Variants in GABRB1 observed in about 807,000 individuals in gnomAD.
GABRB1 encodes gamma-aminobutyric acid receptor subunit beta-1.
GABRB1 carries 17 observed loss-of-function variants against 51.6 expected under a neutral mutation model. The observed-to-expected ratio is 0.33, with a 90% CI of 0.23 to 0.49. GABRB1 has a LOEUF of 0.49. Ranked by LOEUF, GABRB1 falls within the 20% of genes least tolerant of loss-of-function variation. GABRB1 has a pLI of 0.99. For synonymous variants in GABRB1, 247 were observed against 218.9 expected (o/e 1.13, Z -1.14); for missense variants, 410 against 600.6 (o/e 0.68, Z 3.32).
At chr4:47,281,550 A>AT (rs762536751) in intron 4 of GABRB1, among the ~76,000 whole-genome samples, 142 of 152,300 alleles carry the variant, frequency 9.3e-4, no homozygotes, top group Non-Finnish European at 1.7e-3. Flanking sequence ...CTGGATATAT[A>AT]TCCAAAGGAC....
intron 4 of GABRB1, among the ~76,000 whole-genome samples, chr4:47,167,418 T>A (rs914397045): frequency 6.6e-6 from 1 of 151,750 alleles, no homozygotes; most frequent in African/African-American, 2.4e-5. Context: ...AAAAAAAAAA[T>A]GCCTTTTTAA....
At chr4:47,321,019 G>A (rs1205913623) in intron 5 of GABRB1, among the ~76,000 whole-genome samples, 6 of 152,114 alleles carry the variant, frequency 3.9e-5, no homozygotes, top group East Asian at 1.9e-4. Context: ...TTTTAGTCAT[G>A]AAGATTTAGT....
intron 4 of GABRB1, among the ~76,000 whole-genome samples, chr4:47,267,022 A>G (rs1451266507): frequency 6.6e-6 from 1 of 152,174 alleles, no homozygotes; most frequent in Admixed American, 6.5e-5. Flanking sequence ...TGATCAATTC[A>G]ACAAGAAGAT....
chr4:47,017,675 A>C (rs1225954599), intron 1 of GABRB1, among the ~76,000 whole-genome samples: 4 of 152,030 alleles, frequency 2.6e-5, no homozygotes, highest in African/African-American at 9.7e-5. Context: ...TAGTTTTACC[A>C]CTGAATCTCT....
upstream of GABRB1, among the ~76,000 whole-genome samples, chr4:47,029,850 G>A (rs1014053594): frequency 3.3e-5 from 5 of 151,736 alleles, no homozygotes; most frequent in Admixed American, 1.3e-4. Context: ...CTATTTGCTC[G>A]TACTATTTTG....
chr4:47,066,187 G>T (rs1727072591), intron 3 of GABRB1, among the ~76,000 whole-genome samples: 1 of 152,164 alleles, frequency 6.6e-6, no homozygotes, highest in Non-Finnish European at 1.5e-5. Flanking sequence ...CTATATTACA[G>T]TCTATTAAGT....
chr4:47,055,915 A>T (rs563591772), intron 3 of GABRB1, among the ~76,000 whole-genome samples: 8 of 152,326 alleles, frequency 5.3e-5, no homozygotes, highest in Non-Finnish European at 8.8e-5. Flanking sequence ...TTCTTAGGGA[A>T]TGTTGGCTCT....
chr4:47,308,398 T>A (rs1724544852), intron 4 of GABRB1, among the ~76,000 whole-genome samples: 1 of 152,114 alleles, frequency 6.6e-6, no homozygotes, highest in Non-Finnish European at 1.5e-5. Flanking sequence ...AAAGTAAATG[T>A]CTTGGGCCTG....
intron 3 of GABRB1, among the ~76,000 whole-genome samples, chr4:47,152,090 T>C (rs1717485551): frequency 6.6e-6 from 1 of 152,048 alleles, no homozygotes; most frequent in African/African-American, 2.4e-5. Context: ...ATTCTCTATG[T>C]TTTCAGGAAT....
intron 5 of GABRB1, among the ~76,000 whole-genome samples, chr4:47,377,839 T>C (rs910819355): frequency 6.6e-6 from 1 of 152,164 alleles, no homozygotes; most frequent in Non-Finnish European, 1.5e-5. Flanking sequence ...TCACAAACCC[T>C]GAGGTAGACA....
At chr4:47,214,288 A>G (rs1187923882) in intron 4 of GABRB1, among the ~76,000 whole-genome samples, 1 of 152,182 alleles carries the variant, frequency 6.6e-6, no homozygotes, top group African/African-American at 2.4e-5. Flanking sequence ...TACAGTGAAC[A>G]TGATTTGTGC....
Position 47,337,808 on chromosome 4 carries a change from T to TAA in GABRB1, c.544+17623_544+17624dup, listed in dbSNP as rs1170540924. 1.2e-3 allele frequency among the ~76,000 whole-genome samples: 105 copies of TAA among 84,450 alleles called. 1 individual carries two copies. Among genetic ancestry groups the TAA allele is most frequent in the Non-Finnish European group, 1.4e-3 (62 of 44,644 alleles). The allele number at this position is 84,450 out of a possible 152,430, so 55.4% of individuals were successfully genotyped here. On this transcript the variant is annotated intron_variant, in intron 5 of 8. Coordinates refer to ENST00000295454, the MANE Select transcript of GABRB1 (RefSeq NM_000812.4). ...CTGGGCGACAGAGCCAGACTCTGTC[T>TAA]AAAAAAAAAAAAAAAAAAAAAAAAA...
chr4:47,339,823 G>GCACACACACACACACA (rs150988131), intron 5 of GABRB1, among the ~76,000 whole-genome samples: 1 of 141,882 alleles, frequency 7.0e-6, no homozygotes, highest in Non-Finnish European at 1.5e-5. Flanking sequence ...ATAAATAAAT[G>GCACACACACACACACA]CACACACACA....
At chr4:47,290,967 C>T (rs56400000) in intron 4 of GABRB1, among the ~76,000 whole-genome samples, 25,394 of 152,186 alleles carry the variant, frequency 0.17, 2,223 homozygotes, top group Non-Finnish European at 0.21. Context: ...TTCAAGCTGG[C>T]TGCAGAAATT....
chr4:47,235,328 G>T (rs1721288258), intron 4 of GABRB1, among the ~76,000 whole-genome samples: 1 of 152,186 alleles, frequency 6.6e-6, no homozygotes, highest in South Asian at 2.1e-4. Context: ...AAGGCGGGCA[G>T]ATCACGAGGT....
At chr4:47,051,779 T>C (rs568948939) in intron 3 of GABRB1, among the ~76,000 whole-genome samples, 1 of 152,244 alleles carries the variant, frequency 6.6e-6, no homozygotes, top group African/African-American at 2.4e-5. Context: ...CGGTAAAGGC[T>C]TCAGGTTAAT....
At chr4:47,392,411 C>T (rs943579212) in intron 5 of GABRB1, among the ~76,000 whole-genome samples, 2 of 148,862 alleles carry the variant, frequency 1.3e-5, no homozygotes, top group Non-Finnish European at 3.0e-5. Flanking sequence ...GACACAATCT[C>T]GGCTCACTGC....
chr4:47,107,854 G>GA (rs1264245627), intron 3 of GABRB1, among the ~76,000 whole-genome samples: 1 of 152,014 alleles, frequency 6.6e-6, no homozygotes, highest in Non-Finnish European at 1.5e-5. Context: ...TCATATTTTA[G>GA]GAGAGTAACT....
chr4:47,000,449 C>T (rs1577812200), intron 1 of GABRB1, among the ~76,000 whole-genome samples: 1 of 152,168 alleles, frequency 6.6e-6, no homozygotes, highest in East Asian at 1.9e-4. Context: ...TTATATTCAT[C>T]TTCTTTTGTG....
Sources: gnomAD v4.1 joint callset for allele counts (sites outside exome capture counted in the v4.1 genomes callset) on GRCh38, gnomAD v4.1.1 for gene constraint, MANE v1.5 for transcripts, NCBI Gene and HGNC (gene_info 2026-07-23, HGNC 2026-07-21) for gene names.